Variants in RBM47 observed in about 807,000 individuals in gnomAD.
RBM47 encodes the protein RNA binding motif protein 47, also known as RNA-binding protein 47.
RBM47 carries 21 observed loss-of-function variants against 47.1 expected under a neutral mutation model. That is an observed-to-expected ratio of 0.45 (90% CI 0.32 to 0.64). RBM47 has a LOEUF of 0.64. Ranked by LOEUF, RBM47 falls within the 30% of genes least tolerant of loss-of-function variation. RBM47 has a pLI of 0.05. For synonymous variants in RBM47, 375 were observed against 361.7 expected, an observed-to-expected ratio of 1.04 and a Z score of -0.42; for missense variants, 708 against 870.9, an observed-to-expected ratio of 0.81 and a Z score of 2.35.
intron 2 of RBM47, among the ~76,000 whole-genome samples, chr4:40,511,951 A>G (rs989385157): frequency 6.6e-6 from 1 of 151,786 alleles, no homozygotes; most frequent in Non-Finnish European, 1.5e-5. Flanking sequence ...AAAAAAAAGA[A>G]AAGAAAAAAG....
Position 40,424,550 on chromosome 4 carries a change from A to T in RBM47, c.*1354T>A, listed in dbSNP as rs1419393973. 2 of 152,354 alleles carry T rather than the reference A, an allele frequency of 1.3e-5. No individual in the cohort carries two copies. Among genetic ancestry groups the T allele is most frequent in the East Asian group, 3.9e-4 (2 of 5,194 alleles). 9.4% of individuals were successfully genotyped at this position (152,354 alleles called of 1,614,324 possible). On this transcript the variant is annotated 3_prime_UTR_variant, in exon 7 of 7. Coordinates refer to ENST00000295971, the MANE Select transcript of RBM47 (RefSeq NM_001098634.2). ...CTCCAACATAAAAGGACTAAAAACA[A>T]GCATTAGAAGATATTTACAAACTAT...
chr4:40,476,072 A>C (rs1321717983), intron 2 of RBM47, among the ~76,000 whole-genome samples: 1 of 152,238 alleles, frequency 6.6e-6, no homozygotes, highest in Non-Finnish European at 1.5e-5. Flanking sequence ...GTAAGGAAAC[A>C]AATGATTTTT....
chr4:40,620,282 C>A (rs940681138), intron 1 of RBM47, among the ~76,000 whole-genome samples: 1 of 147,656 alleles, frequency 6.8e-6, no homozygotes, highest in Non-Finnish European at 1.5e-5. Context: ...TCAAGGCGGG[C>A]GGATCACGAG....
At chr4:40,439,200 G>A (rs1293791594) in intron 3 of RBM47, among the ~76,000 whole-genome samples, 1 of 151,900 alleles carries the variant, frequency 6.6e-6, no homozygotes, top group Non-Finnish European at 1.5e-5. Context: ...CGACAGCTTT[G>A]AAGTTTTGCG....
At chr4:40,481,137 C>A (rs1720321965) in intron 2 of RBM47, among the ~76,000 whole-genome samples, 2 of 152,080 alleles carry the variant, frequency 1.3e-5, no homozygotes, top group African/African-American at 4.8e-5. Flanking sequence ...CCACAAAAAT[C>A]CCCTAACATT....
At chr4:40,530,579 C>T (rs943357008) in intron 2 of RBM47, among the ~76,000 whole-genome samples, 10 of 152,268 alleles carry the variant, frequency 6.6e-5, no homozygotes, top group African/African-American at 2.4e-4. Flanking sequence ...GGATTACAGG[C>T]GTGAAGCACC....
rs545915182 is a variant in RBM47, at chr4:40,572,502, A to G, written c.-239-27996T>C. ...GAAAAGGAGAGGAATAGAAGCTCTA[A>G]GTGTATTTACTTGCATAGCATTAAA... On this transcript the variant is annotated intron_variant, in intron 1 of 6. Coordinates refer to ENST00000295971, the MANE Select transcript of RBM47 (RefSeq NM_001098634.2). Among the ~76,000 whole-genome samples, 18 of 152,202 alleles carry G rather than the reference A, an allele frequency of 1.2e-4. No homozygotes were observed. The South Asian group carries it at 3.5e-3, about 30-fold the overall frequency.
intron 1 of RBM47, among the ~76,000 whole-genome samples, chr4:40,566,355 G>A (rs890554000): frequency 5.3e-5 from 8 of 152,176 alleles, no homozygotes; most frequent in African/African-American, 1.9e-4. Flanking sequence ...ATCGTTAAGA[G>A]TTAGATGTCT....
chr4:40,426,021 TA>T lies in RBM47; in HGVS notation c.1664del (p.Leu555HisfsTer54). 1 of 1,614,140 alleles carries T rather than the reference TA, an allele frequency of 6.2e-7. No individual in the cohort carries two copies. The highest frequency in any genetic ancestry group is 8.5e-7 in the Non-Finnish European group (1 of 1,180,034). On this transcript the variant is annotated frameshift_variant, in exon 7 of 7. Coordinates refer to ENST00000295971, the MANE Select transcript of RBM47 (RefSeq NM_001098634.2). LOFTEE classifies it high-confidence loss of function. ...AAPATATIAT[L>X]QKNAAAAAAM... is the part of the protein sequence containing the mutation. ...CGGCCGCGGCTGCCGCGTTCTTCTG[TA>T]GTGTGGCGATCGTGGCTGTAGCTGG...
At chr4:40,512,663 C>T (rs1441316084) in intron 2 of RBM47, among the ~76,000 whole-genome samples, 2 of 141,106 alleles carry the variant, frequency 1.4e-5, no homozygotes, top group East Asian at 4.1e-4. Context: ...TGCAGTGAGC[C>T]GAGATTGTGC....
intron 1 of RBM47, among the ~76,000 whole-genome samples, chr4:40,614,230 C>A (rs1220060994): frequency 1.3e-5 from 2 of 152,010 alleles, no homozygotes; most frequent in African/African-American, 4.8e-5. Context: ...AGTAACCATC[C>A]CCCATCCACC....
chr4:40,583,358 G>A (rs1451047111), intron 1 of RBM47, among the ~76,000 whole-genome samples: 2 of 135,358 alleles, frequency 1.5e-5, no homozygotes, highest in Admixed American at 8.2e-5. Context: ...AGGTTGCAGT[G>A]AGCCGAGATC....
At chr4:40,527,038 G>A (rs1391832752) in intron 2 of RBM47, among the ~76,000 whole-genome samples, 1 of 151,924 alleles carries the variant, frequency 6.6e-6, no homozygotes, top group African/African-American at 2.4e-5. Flanking sequence ...CTATAGCTGT[G>A]GCAGAGAATT....
chr4:40,469,613 G>A (rs927437416), intron 2 of RBM47, among the ~76,000 whole-genome samples: 7 of 150,938 alleles, frequency 4.6e-5, no homozygotes, highest in African/African-American at 1.2e-4. Flanking sequence ...TTGGGAGGCC[G>A]AGGCCAGCAG....
At chr4:40,534,818 T>A (rs532382180) in intron 2 of RBM47, among the ~76,000 whole-genome samples, 4 of 151,766 alleles carry the variant, frequency 2.6e-5, no homozygotes, top group African/African-American at 9.7e-5. Flanking sequence ...GCCTGTAGTC[T>A]CAGCTACTCT....
At chr4:40,451,476 G>A (rs1344375303) in intron 3 of RBM47, among the ~76,000 whole-genome samples, 5 of 152,106 alleles carry the variant, frequency 3.3e-5, no homozygotes, top group South Asian at 4.1e-4. Flanking sequence ...TTCCGACCCC[G>A]CTGCTACATG....
chr4:40,503,153 C>G (rs1723625038), intron 2 of RBM47, among the ~76,000 whole-genome samples: 1 of 152,058 alleles, frequency 6.6e-6, no homozygotes, highest in Non-Finnish European at 1.5e-5. Context: ...ACTACAAAGA[C>G]ATGAAATCAG....
At chr4:40,598,581 C>T (rs1373657284) in intron 1 of RBM47, among the ~76,000 whole-genome samples, 2 of 150,368 alleles carry the variant, frequency 1.3e-5, no homozygotes, top group African/African-American at 2.4e-5. Context: ...GATGCTTTGT[C>T]TCAAAAAAAA....
chr4:40,594,110 A>G (rs1348860488), intron 1 of RBM47, among the ~76,000 whole-genome samples: 3 of 151,870 alleles, frequency 2.0e-5, no homozygotes, highest in Non-Finnish European at 4.4e-5. Flanking sequence ...TCTCTTCTCT[A>G]CCCCCACCCC....
Sources: allele counts gnomAD v4.1 joint callset (sites outside exome capture counted in the v4.1 genomes callset), GRCh38; gene constraint gnomAD v4.1.1; transcripts MANE v1.5; gene names NCBI Gene and HGNC (gene_info 2026-07-23, HGNC 2026-07-21).